Variants in MYO1D observed in about 807,000 individuals in gnomAD.
MYO1D encodes myosin ID, also known as unconventional myosin-Id.
A neutral mutation model predicts 122.0 loss-of-function variants in MYO1D; 83 were observed. That is an observed-to-expected ratio of 0.68 (90% CI 0.57 to 0.82). MYO1D has a LOEUF of 0.82. MYO1D is among the 40% of genes least tolerant of loss of function. MYO1D has a pLI of 0.00. For missense variants in MYO1D, 1,157 were observed against 1,269.5 expected (o/e 0.91, Z 1.35); for synonymous variants, 464 against 446.9 (o/e 1.04, Z -0.48).
intron 21 of MYO1D, among the ~76,000 whole-genome samples, chr17:32,587,246 T>C (rs1360833956): frequency 6.6e-6 from 1 of 152,202 alleles, no homozygotes; most frequent in Non-Finnish European, 1.5e-5. Flanking sequence ...GGGCTGTGGC[T>C]CACGCCTGTA....
chr17:32,628,074 A>T (rs2150931101), intron 20 of MYO1D, among the ~76,000 whole-genome samples: 1 of 152,336 alleles, frequency 6.6e-6, no homozygotes, highest in South Asian at 2.1e-4. Flanking sequence ...CTAATTATGT[A>T]GGCTATTTCT....
At chr17:32,584,953 A>C (rs2087373289) in intron 21 of MYO1D, among the ~76,000 whole-genome samples, 1 of 152,220 alleles carries the variant, frequency 6.6e-6, no homozygotes, top group African/African-American at 2.4e-5. Context: ...TTCCTGTCAA[A>C]TACTCATTCC....
intron 19 of MYO1D, among the ~76,000 whole-genome samples, chr17:32,650,782 A>G (rs2088377835): frequency 6.6e-6 from 1 of 152,110 alleles, no homozygotes; most frequent in African/African-American, 2.4e-5. Flanking sequence ...AACATGTTAA[A>G]TCTTTCCTCT....
intron 1 of MYO1D, among the ~76,000 whole-genome samples, chr17:32,847,148 T>A (rs1598152079): frequency 6.6e-6 from 1 of 152,220 alleles, no homozygotes; most frequent in African/African-American, 2.4e-5. Context: ...CATGAGTCTT[T>A]TAAGAAAAAT....
At chr17:32,681,557 C>T (rs544557194) in intron 16 of MYO1D, among the ~76,000 whole-genome samples, 9 of 151,674 alleles carry the variant, frequency 5.9e-5, no homozygotes, top group South Asian at 2.1e-4. Flanking sequence ...TGTAGTTGAG[C>T]GGCTTTGAGT....
At chr17:32,867,098 C>T (rs531406214) in intron 1 of MYO1D, among the ~76,000 whole-genome samples, 1 of 151,990 alleles carries the variant, frequency 6.6e-6, no homozygotes, top group Non-Finnish European at 1.5e-5. Flanking sequence ...GAGGCCAAGG[C>T]GGGTGAATCA....
intron 21 of MYO1D, among the ~76,000 whole-genome samples, chr17:32,580,761 C>G (rs1435787191): frequency 6.6e-6 from 1 of 152,086 alleles, no homozygotes; most frequent in African/African-American, 2.4e-5. Flanking sequence ...ACCTTGCATG[C>G]CTGGGATAAA....
chr17:32,737,632 A>C (rs2089720895), intron 14 of MYO1D, among the ~76,000 whole-genome samples: 1 of 152,116 alleles, frequency 6.6e-6, no homozygotes, highest in Admixed American at 6.5e-5. Flanking sequence ...GGTGCATGCC[A>C]CCATGCCTGG....
intron 1 of MYO1D, among the ~76,000 whole-genome samples, chr17:32,864,170 A>G (rs1379340602): frequency 1.3e-5 from 2 of 151,856 alleles, no homozygotes; most frequent in South Asian, 2.1e-4. Flanking sequence ...ACTATGCAGG[A>G]GCAGAGCTGC....
intron 11 of MYO1D, among the ~76,000 whole-genome samples, chr17:32,754,359 C>T (rs2089926209): frequency 6.6e-6 from 1 of 152,184 alleles, no homozygotes; most frequent in South Asian, 2.1e-4. Flanking sequence ...TAGGGAATGA[C>T]TGAAGCAGTA....
intron 1 of MYO1D, among the ~76,000 whole-genome samples, chr17:32,845,914 T>C (rs755092919): frequency 2.6e-5 from 4 of 151,928 alleles, no homozygotes; most frequent in Non-Finnish European, 4.4e-5. Context: ...CTCTGAATGG[T>C]ACGAGCTTCT....
chr17:32,694,439 C>T (rs542220157), intron 16 of MYO1D, among the ~76,000 whole-genome samples: 2 of 152,250 alleles, frequency 1.3e-5, no homozygotes, highest in African/African-American at 2.4e-5. Context: ...AATTTGCTCA[C>T]GCCTGTAATC....
intron 1 of MYO1D, among the ~76,000 whole-genome samples, chr17:32,822,003 A>T (rs2090669883): frequency 6.6e-6 from 1 of 152,184 alleles, no homozygotes; most frequent in Non-Finnish European, 1.5e-5. Flanking sequence ...ATACCATTTG[A>T]CCCAGCCATC....
intron 1 of MYO1D, among the ~76,000 whole-genome samples, chr17:32,806,102 C>CAAA (rs372438618): frequency 2.0e-5 from 3 of 151,938 alleles, no homozygotes; most frequent in Non-Finnish European, 4.4e-5. Context: ...ACCAAAAATA[C>CAAA]AAAAAAATTA....
intron 15 of MYO1D, among the ~76,000 whole-genome samples, chr17:32,717,657 T>G (rs2089464330): frequency 6.6e-6 from 1 of 152,172 alleles, no homozygotes; most frequent in Non-Finnish European, 1.5e-5. Context: ...ATGAAAGCCC[T>G]TTCCTTACAC....
chr17:32,817,893 G>A (rs181459195), intron 1 of MYO1D, among the ~76,000 whole-genome samples: 79 of 151,858 alleles, frequency 5.2e-4, no homozygotes, highest in Non-Finnish European at 8.8e-4. Context: ...TTGGGAGGCC[G>A]AGGCGGGCGG....
intron 16 of MYO1D, chr17:32,684,111 C>G (rs137939549): frequency 0.04 from 6,089 of 152,908 alleles, 375 homozygotes; most frequent in African/African-American, 0.13. Context: ...GGCTCGCACA[C>G]GGTGCGCGCA....
intron 8 of MYO1D, among the ~76,000 whole-genome samples, chr17:32,762,782 G>A (rs933829425): frequency 6.6e-6 from 1 of 151,352 alleles, no homozygotes; most frequent in African/African-American, 2.4e-5. Context: ...GCTGAGGCAG[G>A]AGAATTGCTT....
At chr17:32,505,471 G>A (rs895743576) in intron 21 of MYO1D, 6 of 152,226 alleles carry the variant, frequency 3.9e-5, no homozygotes, top group African/African-American at 1.4e-4. Context: ...GGTCAGGCTG[G>A]GGCTCAGCTC....
Sources: gnomAD v4.1 joint callset for allele counts (sites outside exome capture counted in the v4.1 genomes callset) on GRCh38, gnomAD v4.1.1 for gene constraint, MANE v1.5 for transcripts, NCBI Gene and HGNC (gene_info 2026-07-23, HGNC 2026-07-21) for gene names.